SHISA9: variants seen among roughly 807,000 people sequenced by gnomAD.
The protein encoded by SHISA9 is shisa family member 9.
In SHISA9, 13 loss-of-function variants were observed where a neutral mutation model predicts 38.0. The ratio of observed to expected loss-of-function variants is 0.34; its 90% CI spans 0.22 to 0.54. The LOEUF (loss-of-function observed/expected upper bound fraction) is 0.54. Ranked by LOEUF, SHISA9 falls within the 20% of genes least tolerant of loss-of-function variation. The pLI is 0.91. For synonymous variants in SHISA9, 275 were observed against 242.0 expected (o/e 1.14, Z -1.27); for missense variants, 538 against 575.8 (o/e 0.93, Z 0.67).
the SHISA9 span, among the ~76,000 whole-genome samples, chr16:13,290,997 G>C: frequency 6.6e-6 from 1 of 152,142 alleles, no homozygotes; most frequent in Non-Finnish European, 1.5e-5. Context: ...GCGGAAGAGA[G>C]TTGCAGTACT....
chr16:13,202,869 G>A (rs1331824643), intron 2 of SHISA9, among the ~76,000 whole-genome samples: 3 of 152,060 alleles, frequency 2.0e-5, no homozygotes, highest in East Asian at 3.9e-4. Context: ...ATATACATAC[G>A]CTTTACATTT....
chr16:13,271,209 T>C, the SHISA9 span, among the ~76,000 whole-genome samples: 1 of 152,172 alleles, frequency 6.6e-6, no homozygotes, highest in Non-Finnish European at 1.5e-5. Context: ...AGAACCACAC[T>C]GGTGATCCGG....
At chr16:13,365,940 T>C in the SHISA9 span, among the ~76,000 whole-genome samples, 2 of 152,216 alleles carry the variant, frequency 1.3e-5, no homozygotes, top group Non-Finnish European at 2.9e-5. Context: ...AATGATTCTA[T>C]AGCTCAGTAA....
In SHISA9 at chr16:13,235,189, CCAA is replaced by C. The variant is rs1360461046; in HGVS notation, c.1059_1061del (p.Asn353del). 2 of 1,551,802 alleles carry C rather than the reference CCAA, an allele frequency of 1.3e-6. No individual in the cohort carries two copies. Among genetic ancestry groups the C allele is most frequent in the Non-Finnish European group, 1.7e-6 (2 of 1,147,010 alleles). On this transcript the variant is annotated inframe_deletion, in exon 5 of 5. Transcript: ENST00000558583. ...AAGCAGAATGGACAGAAGTCCCGCA[CCAA>C]CAAGATGCCCCCACATCCCCTGGCC...
At chr16:13,092,066 T>G (rs1406691070) in intron 2 of SHISA9, among the ~76,000 whole-genome samples, 1 of 152,246 alleles carries the variant, frequency 6.6e-6, no homozygotes, top group Admixed American at 6.5e-5. Flanking sequence ...GTCCCTCAGC[T>G]GCAGGTCTGT....
intron 2 of SHISA9, among the ~76,000 whole-genome samples, chr16:13,138,563 G>A (rs2050370346): frequency 6.6e-6 from 1 of 152,116 alleles, no homozygotes; most frequent in African/African-American, 2.4e-5. Flanking sequence ...CCAGACCTTA[G>A]ACTCCACGAA....
At chr16:13,297,504 G>C in the SHISA9 span, among the ~76,000 whole-genome samples, 2 of 152,182 alleles carry the variant, frequency 1.3e-5, no homozygotes, top group African/African-American at 4.8e-5. Context: ...GTTGCAGGTG[G>C]TGTCTCTAAA....
At chr16:13,111,135 T>C (rs1313245935) in intron 2 of SHISA9, among the ~76,000 whole-genome samples, 9 of 151,974 alleles carry the variant, frequency 5.9e-5, no homozygotes, top group South Asian at 4.1e-4. Flanking sequence ...TAGGCATGGG[T>C]AAAGACTTCA....
chr16:13,460,137 G>A, the SHISA9 span, among the ~76,000 whole-genome samples: 3 of 152,088 alleles, frequency 2.0e-5, no homozygotes, highest in South Asian at 2.1e-4. Context: ...GTGATTGAGT[G>A]TCTACTGCAT....
intron 2 of SHISA9, among the ~76,000 whole-genome samples, chr16:13,183,674 T>C (rs574949310): frequency 6.6e-6 from 1 of 152,374 alleles, no homozygotes; most frequent in South Asian, 2.1e-4. Context: ...ATAACTCTAT[T>C]AGGTTCTTTT....
chr16:13,519,949 C>G, the SHISA9 span, among the ~76,000 whole-genome samples: 2 of 152,056 alleles, frequency 1.3e-5, no homozygotes, highest in African/African-American at 4.8e-5. Flanking sequence ...CAAATCATAT[C>G]AACACCCCTT....
intron 2 of SHISA9, among the ~76,000 whole-genome samples, chr16:13,135,472 G>A (rs768636923): frequency 2.0e-5 from 3 of 152,168 alleles, no homozygotes; most frequent in Non-Finnish European, 2.9e-5. Flanking sequence ...TATATACAAA[G>A]TTTGGCCCAT....
chr16:13,062,961 G>A lies in SHISA9; in HGVS notation c.692-140433G>A, dbSNP rs149445074. Among the ~76,000 whole-genome samples, 4 of 143,390 alleles carry A rather than the reference G, an allele frequency of 2.8e-5. No individual in the cohort carries two copies. The East Asian group carries it at 8.2e-4, about 29-fold the overall frequency. The allele number at this position is 143,390 out of a possible 152,430, so 94.1% of individuals were successfully genotyped here. A position where few individuals can be genotyped will look rare whatever the true frequency, so the allele number is the denominator to read the frequency against. ...GATGCACTTGCCTGGGCGTGCTTTCGGACGCATCCCTCACTAGCTGAGTGA... is the reference window on the plus strand; with the variant it reads ...GATGCACTTGCCTGGGCGTGCTTTCAGACGCATCCCTCACTAGCTGAGTGA... On this transcript the variant is annotated intron_variant, in intron 2 of 4. Coordinates refer to ENST00000558583, the MANE Select transcript of SHISA9 (RefSeq NM_001145204.3).
the SHISA9 span, among the ~76,000 whole-genome samples, chr16:13,370,687 ATAATT>A: frequency 2.0e-4 from 30 of 152,300 alleles, no homozygotes; most frequent in African/African-American, 6.7e-4. Context: ...TGTTTTGAAC[ATAATT>A]TTATTTTATT....
Position 13,039,356 on chromosome 16 carries a change from G to T in SHISA9, c.691+122541G>T, listed in dbSNP as rs146988187. Among the ~76,000 whole-genome samples the T allele has an allele frequency of 2.4e-3, 358 of 152,292 alleles. 3 individuals carry two copies. The highest frequency in any genetic ancestry group is 8.2e-3 in the African/African-American group (342 of 41,564). ...TTTCACATGAGGAATTTGAGGCTGAGAGAGGCTAAGTGACTTGTACAAGGT... is the reference window on the plus strand; with the variant it reads ...TTTCACATGAGGAATTTGAGGCTGATAGAGGCTAAGTGACTTGTACAAGGT... On this transcript the variant is annotated intron_variant, in intron 2 of 4. Coordinates refer to ENST00000558583, the MANE Select transcript of SHISA9 (RefSeq NM_001145204.3).
In SHISA9 at chr16:13,236,733, A is replaced by T. The variant is rs2051388567; in HGVS notation, c.*1324A>T. 1 of 152,040 alleles carries T rather than the reference A, an allele frequency of 6.6e-6. No homozygotes were observed. Among genetic ancestry groups the T allele is most frequent in the Non-Finnish European group, 1.5e-5 (1 of 68,006 alleles). The allele number at this position is 152,040 out of a possible 1,614,324, so 9.4% of individuals were successfully genotyped here. A position where few individuals can be genotyped will look rare whatever the true frequency, so the allele number is the denominator to read the frequency against. The stretch of plus-strand genomic sequence containing the variant: ...GAGGGGCTGCTACAATGTCAGGGGT[A>T]CCCAAGAACGAAGACCTCCCTACTC... On this transcript the variant is annotated 3_prime_UTR_variant, in exon 5 of 5. Coordinates refer to ENST00000558583, the MANE Select transcript of SHISA9 (RefSeq NM_001145204.3).
At chr16:13,180,403 A>C (rs1392713190) in intron 2 of SHISA9, among the ~76,000 whole-genome samples, 2 of 152,274 alleles carry the variant, frequency 1.3e-5, no homozygotes, top group African/African-American at 4.8e-5. Context: ...TAGAGTGAAA[A>C]AGATAAACTG....
intron 2 of SHISA9, among the ~76,000 whole-genome samples, chr16:13,150,708 G>A (rs1253661436): frequency 6.6e-6 from 1 of 152,130 alleles, no homozygotes; most frequent in Non-Finnish European, 1.5e-5. Flanking sequence ...CATTGTCTGG[G>A]ACCTCCCACC....
intron 1 of SHISA9, among the ~76,000 whole-genome samples, chr16:12,914,075 T>C (rs544092300): frequency 6.7e-6 from 1 of 150,250 alleles, no homozygotes; most frequent in South Asian, 2.1e-4. Context: ...AGATGGAGTC[T>C]TGCTCTGTCG....
Sources: gnomAD v4.1 joint callset for allele counts (sites outside exome capture counted in the v4.1 genomes callset) on GRCh38, gnomAD v4.1.1 for gene constraint, MANE v1.5 for transcripts, NCBI Gene and HGNC (gene_info 2026-07-23, HGNC 2026-07-21) for gene names.